IQCJ: variants seen among roughly 807,000 people sequenced by gnomAD.
IQCJ encodes the protein IQ motif containing J.
In IQCJ, 9 loss-of-function variants were observed where a neutral mutation model predicts 11.0. The observed-to-expected ratio is 0.82, with a 90% CI of 0.49 to 1.43. The LOEUF (loss-of-function observed/expected upper bound fraction) is 1.43. Among genes scored for constraint, IQCJ ranks in the 40% most tolerant of loss-of-function variants. The pLI, the probability that IQCJ is intolerant of heterozygous loss-of-function variation, is 0.00. For missense variants in IQCJ, 146 were observed against 133.2 expected (o/e 1.10, Z -0.47); for synonymous variants, 55 against 51.3 (o/e 1.07, Z -0.31).
intron 1 of IQCJ, among the ~76,000 whole-genome samples, chr3:159,129,799 T>C (rs1232581686): frequency 6.6e-6 from 1 of 152,192 alleles, no homozygotes; most frequent in Non-Finnish European, 1.5e-5. Flanking sequence ...CCTAGGCATG[T>C]CACCCAGTTT....
chr3:159,144,844 T>TA (rs1181326309), intron 1 of IQCJ, among the ~76,000 whole-genome samples: 4 of 152,200 alleles, frequency 2.6e-5, no homozygotes, highest in Non-Finnish European at 5.9e-5. Flanking sequence ...AAGAATCAGA[T>TA]ACGAAGAAAT....
chr3:159,136,942 T>A (rs1057066448), intron 1 of IQCJ, among the ~76,000 whole-genome samples: 3 of 152,132 alleles, frequency 2.0e-5, no homozygotes, highest in African/African-American at 7.2e-5. Flanking sequence ...CTGTGTCGGG[T>A]GATGCCAGTG....
chr3:159,153,189 T>A (rs1000934605), intron 1 of IQCJ, among the ~76,000 whole-genome samples: 2 of 152,238 alleles, frequency 1.3e-5, no homozygotes, highest in Non-Finnish European at 1.5e-5. Flanking sequence ...TAGAATTATA[T>A]TAATACATAA....
intron 1 of IQCJ, among the ~76,000 whole-genome samples, chr3:159,228,135 T>C (rs1266208450): frequency 2.0e-5 from 3 of 152,208 alleles, no homozygotes; most frequent in African/African-American, 7.2e-5. Flanking sequence ...TTTCCCCTGG[T>C]TATTTCCACT....
chr3:159,070,803 AAGCATCTTAAATATT>A (rs1221118686), intron 1 of IQCJ, among the ~76,000 whole-genome samples: 1 of 152,062 alleles, frequency 6.6e-6, no homozygotes, highest in Non-Finnish European at 1.5e-5. Flanking sequence ...TTGAAAATGG[AAGCATCTTAAATATT>A]AGCTTGTTAA....
At chr3:159,260,180 G>C (rs531179385) in intron 3 of IQCJ, among the ~76,000 whole-genome samples, 1 of 152,186 alleles carries the variant, frequency 6.6e-6, no homozygotes, top group Non-Finnish European at 1.5e-5. Flanking sequence ...GGATGTTTAA[G>C]TGCAAATTCC....
chr3:159,094,229 A>ATGT (rs2108088695), intron 1 of IQCJ, among the ~76,000 whole-genome samples: 2 of 151,552 alleles, frequency 1.3e-5, no homozygotes, highest in African/African-American at 4.9e-5. Flanking sequence ...AAAGACAAAT[A>ATGT]TTGGCCTCAA....
intron 3 of IQCJ, among the ~76,000 whole-genome samples, chr3:159,258,524 G>C (rs1728028352): frequency 6.6e-6 from 1 of 152,122 alleles, no homozygotes; most frequent in African/African-American, 2.4e-5. Context: ...CTCCCTCACA[G>C]TTCACTTGTG....
At chr3:159,244,301 C>G (rs1041031535) in intron 1 of IQCJ, among the ~76,000 whole-genome samples, 3 of 152,224 alleles carry the variant, frequency 2.0e-5, no homozygotes, top group African/African-American at 7.2e-5. Context: ...CTGGGACTGG[C>G]AGCTGGCATG....
At chr3:159,086,717 TTGTC>T (rs1478763159) in intron 1 of IQCJ, among the ~76,000 whole-genome samples, 1 of 152,060 alleles carries the variant, frequency 6.6e-6, no homozygotes, top group East Asian at 1.9e-4. Context: ...GGCTGTCTGT[TTGTC>T]TGTTATTGGT....
At chr3:159,211,151 A>G (rs956347625) in intron 1 of IQCJ, among the ~76,000 whole-genome samples, 2 of 152,238 alleles carry the variant, frequency 1.3e-5, no homozygotes, top group Admixed American at 6.5e-5. Context: ...ATTACTGATT[A>G]TCAATGGCTA....
At chr3:159,211,678 T>G (rs919864856) in intron 1 of IQCJ, among the ~76,000 whole-genome samples, 8 of 152,226 alleles carry the variant, frequency 5.3e-5, no homozygotes, top group Admixed American at 5.2e-4. Flanking sequence ...TGAGTCTGTT[T>G]AAATGGCAAT....
intron 1 of IQCJ, among the ~76,000 whole-genome samples, chr3:159,182,883 C>T (rs1219818508): frequency 6.7e-6 from 1 of 150,236 alleles, no homozygotes; most frequent in African/African-American, 2.5e-5. Flanking sequence ...GGGTGTGGCG[C>T]CAGGCTGTCT....
intron 1 of IQCJ, among the ~76,000 whole-genome samples, chr3:159,208,076 G>GA (rs976662131): frequency 2.0e-5 from 3 of 151,896 alleles, no homozygotes; most frequent in Admixed American, 6.6e-5. Context: ...TTAGAAGGGA[G>GA]AAAAAAAATG....
At chr3:159,085,511 T>G (rs1436361091) in intron 1 of IQCJ, among the ~76,000 whole-genome samples, 2 of 150,958 alleles carry the variant, frequency 1.3e-5, no homozygotes, top group Admixed American at 1.3e-4. Context: ...CCACAATGGT[T>G]GAACTGGTTT....
At chr3:159,071,948 A>G (rs765297206) in intron 1 of IQCJ, among the ~76,000 whole-genome samples, 3 of 152,106 alleles carry the variant, frequency 2.0e-5, no homozygotes, top group Non-Finnish European at 4.4e-5. Context: ...TATAGAATGA[A>G]GACATAAAAA....
At chr3:159,231,298 A>G (rs1236085849) in intron 1 of IQCJ, among the ~76,000 whole-genome samples, 2 of 152,236 alleles carry the variant, frequency 1.3e-5, no homozygotes, top group Non-Finnish European at 2.9e-5. Context: ...AGAGGAGATG[A>G]CATTCCAGAC....
intron 2 of IQCJ, among the ~76,000 whole-genome samples, chr3:159,251,804 G>A (rs1185875210): frequency 6.6e-6 from 1 of 152,064 alleles, no homozygotes; most frequent in Non-Finnish European, 1.5e-5. Flanking sequence ...GGTTCCTCCT[G>A]TACAGTAAAT....
At chr3:159,154,676 T>C (rs536406656) in intron 1 of IQCJ, among the ~76,000 whole-genome samples, 18 of 152,266 alleles carry the variant, frequency 1.2e-4, no homozygotes, top group Non-Finnish European at 2.1e-4. Flanking sequence ...AGAAGTCCTT[T>C]CAAGCCTGCT....
Sources: gnomAD v4.1 joint callset for allele counts (sites outside exome capture counted in the v4.1 genomes callset) on GRCh38, gnomAD v4.1.1 for gene constraint, MANE v1.5 for transcripts, NCBI Gene and HGNC (gene_info 2026-07-23, HGNC 2026-07-21) for gene names.